Variants in CMTM3 observed in about 807,000 individuals in gnomAD.
The protein encoded by CMTM3 is CKLF-like MARVEL transmembrane domain-containing protein 3.
Under a neutral mutation model 18.2 loss-of-function variants are expected in CMTM3, and 7 were observed. That is an observed-to-expected ratio of 0.38 (90% CI 0.22 to 0.72). The LOEUF (loss-of-function observed/expected upper bound fraction) is 0.72, where lower values mean the gene tolerates loss of function less well. Ranked by LOEUF, CMTM3 falls within the 30% of genes least tolerant of loss-of-function variation. CMTM3 has a pLI of 0.46. For synonymous variants in CMTM3, 109 were observed against 111.2 expected (o/e 0.98, Z 0.12); for missense variants, 227 against 249.2 (o/e 0.91, Z 0.60).
In CMTM3 at chr16:66,613,229, C is replaced by T. The variant is rs2015451071; in HGVS notation, c.*592C>T. On this transcript the variant is annotated 3_prime_UTR_variant, in exon 5 of 5. Transcript: ENST00000567572. The stretch of plus-strand genomic sequence containing the variant: ...CGCCCAGGAAGTGGGGCTCGGCACC[C>T]ATAACTAACACCTCCCACCCTTGGA... The T allele has an allele frequency of 8.8e-6, 6 of 679,382 alleles. No homozygotes were observed. In the South Asian group the frequency reaches 9.4e-5, roughly 11 times the overall value. 42.1% of individuals were successfully genotyped at this position (679,382 alleles called of 1,614,324 possible).
chr16:66,607,349 C>A (rs2015196116), intron 1 of CMTM3, among the ~76,000 whole-genome samples: 1 of 152,252 alleles, frequency 6.6e-6, no homozygotes, highest in Non-Finnish European at 1.5e-5. Flanking sequence ...CCTTTCACAG[C>A]TGGCCCTGTA....
Position 66,612,973 on chromosome 16 carries a change from G to GT in CMTM3, c.*338dup. 1 of 690,428 alleles carries GT rather than the reference G, an allele frequency of 1.4e-6. No homozygotes were observed. Among genetic ancestry groups the GT allele is most frequent in the Non-Finnish European group, 2.6e-6 (1 of 377,770 alleles). The allele number at this position is 690,428 out of a possible 1,614,324, so 42.8% of individuals were successfully genotyped here. A position where few individuals can be genotyped will look rare whatever the true frequency, so the allele number is the denominator to read the frequency against. ...CCTTGTCTGTATCTGGGCAGCAGGTGTTCCATGCTGCTAGGTGGCGGGGGT... is the reference window on the plus strand; with the variant it reads ...CCTTGTCTGTATCTGGGCAGCAGGTGTTTCCATGCTGCTAGGTGGCGGGGGT... On this transcript the variant is annotated 3_prime_UTR_variant, in exon 5 of 5. Coordinates refer to ENST00000567572, the MANE Select transcript of CMTM3 (RefSeq NM_181553.4). This position sits in a 1 kb window ranked among gnomAD's most constrained non-coding sequence, Gnocchi z 6.0.
At position 66,604,729 on chromosome 16, in the gene CMTM3, A is replaced by C; in HGVS notation, c.-77A>C. ...AGTGTCGCCTGCCCTCCTTCCGCAC[A>C]GCCCGGGTTTCCGCTTCCCTCCGGG... On this transcript the variant is annotated 5_prime_UTR_variant, in exon 1 of 5. Coordinates refer to ENST00000567572, the MANE Select transcript of CMTM3 (RefSeq NM_181553.4). The C allele has an allele frequency of 8.9e-7, 1 of 1,122,258 alleles. No homozygotes were observed. Among genetic ancestry groups the C allele is most frequent in the Admixed American group, 4.4e-5 (1 of 22,476 alleles). 69.5% of individuals were successfully genotyped at this position (1,122,258 alleles called of 1,614,324 possible).
At position 66,613,230 on chromosome 16, in the gene CMTM3, A is replaced by G; in HGVS notation, c.*593A>G. ...GCCCAGGAAGTGGGGCTCGGCACCCATAACTAACACCTCCCACCCTTGGAA... is the reference window on the plus strand; with the variant it reads ...GCCCAGGAAGTGGGGCTCGGCACCCGTAACTAACACCTCCCACCCTTGGAA... On this transcript the variant is annotated 3_prime_UTR_variant, in exon 5 of 5. Coordinates refer to ENST00000567572, the MANE Select transcript of CMTM3 (RefSeq NM_181553.4). The G allele has an allele frequency of 1.5e-6, 1 of 679,946 alleles. No homozygotes were observed. Among genetic ancestry groups the G allele is most frequent in the South Asian group, 1.6e-5 (1 of 64,202 alleles). 42.1% of individuals were successfully genotyped at this position (679,946 alleles called of 1,614,324 possible). A position where few individuals can be genotyped will look rare whatever the true frequency, so the allele number is the denominator to read the frequency against.
At position 66,609,507 on chromosome 16, in the gene CMTM3, G is replaced by A; in HGVS notation, c.376G>A (p.Asp126Asn). 6.2e-7 allele frequency: 1 copy of A among 1,607,060 alleles called. No individual in the cohort carries two copies. The highest frequency in any genetic ancestry group is 8.5e-7 in the Non-Finnish European group (1 of 1,176,668). ...ISITAIAKYS[D>N]GASKAAGVFG... ...CATCACGGCCATCGCCAAGTACTCG[G>A]ATGGGGCTTCCAAAGCCGCTGGGGT... The change falls in exon 3 of 5, where the codon GAT becomes AAT. Residue 126 changes from aspartate (D) to asparagine (N), a missense_variant. Asp to Asn is a conservative substitution (Grantham distance 23, BLOSUM62 1). Coordinates refer to ENST00000567572, the MANE Select transcript of CMTM3 (RefSeq NM_181553.4). This position sits in a 1 kb window ranked among gnomAD's most constrained non-coding sequence, Gnocchi z 4.4.
In CMTM3 at chr16:66,609,274, C is replaced by T. The variant is rs1567394514; in HGVS notation, c.304-161C>T. On this transcript the variant is annotated intron_variant, in intron 2 of 4. Coordinates refer to ENST00000567572, the MANE Select transcript of CMTM3 (RefSeq NM_181553.4). The surrounding 1 kb of genome is among the most constrained non-coding windows in gnomAD (Gnocchi z 4.4). ...TGCTGGCAAGGCAGCAGAGGCACCT[C>T]GGGGGTGGGACAAGGGCCTAGGCAT... 8 of 625,506 alleles carry T rather than the reference C, an allele frequency of 1.3e-5. No homozygotes were observed. The highest frequency in any genetic ancestry group is 2.9e-5 in the Admixed American group (1 of 35,006). The allele number at this position is 625,506 out of a possible 1,614,324, so 38.7% of individuals were successfully genotyped here. A position where few individuals can be genotyped will look rare whatever the true frequency, so the allele number is the denominator to read the frequency against.
chr16:66,604,032 GT>G (rs1567390365), upstream of CMTM3: 4 of 146,236 alleles, frequency 2.7e-5, no homozygotes, highest in Non-Finnish European at 6.0e-5. Context: ...TGCGTGTGGA[GT>G]GTGTGTGTGT....
In CMTM3 at chr16:66,610,184, C is replaced by T; in HGVS notation, c.520+181C>T. ...CTGATCCAAAGCCAGTCCCATTCGC[C>T]TCGTGCACCCTCACCCCAGCCTTTC... On this transcript the variant is annotated intron_variant, in intron 4 of 4. Coordinates refer to ENST00000567572, the MANE Select transcript of CMTM3 (RefSeq NM_181553.4). The surrounding 1 kb of genome is among the most constrained non-coding windows in gnomAD (Gnocchi z 4.6). 1 of 719,988 alleles carries T rather than the reference C, an allele frequency of 1.4e-6. No homozygotes were observed. The highest frequency in any genetic ancestry group is 2.7e-5 in the East Asian group (1 of 36,906). The allele number at this position is 719,988 out of a possible 1,614,324, so 44.6% of individuals were successfully genotyped here. A position where few individuals can be genotyped will look rare whatever the true frequency, so the allele number is the denominator to read the frequency against.
upstream of CMTM3, chr16:66,604,056 G>C (rs1387360677): frequency 6.5e-6 from 1 of 153,056 alleles, no homozygotes; most frequent in Non-Finnish European, 1.5e-5. Context: ...GTGTGTGAGA[G>C]AGAGAGATGT....
At position 66,612,495 on chromosome 16, in the gene CMTM3, A is replaced by G; in HGVS notation, c.521-114A>G. ...CACTGGGAACGGTAGAGTCAGCTGC[A>G]GGAGGCCTGCACCCAGGCTCCTGCC... On this transcript the variant is annotated intron_variant, in intron 4 of 4. Transcript: ENST00000567572. The surrounding 1 kb of genome is among the most constrained non-coding windows in gnomAD (Gnocchi z 6.0). The G allele has an allele frequency of 3.8e-6, 4 of 1,047,200 alleles. No homozygotes were observed. Among genetic ancestry groups the G allele is most frequent in the Non-Finnish European group, 5.7e-6 (4 of 697,306 alleles). 64.9% of individuals were successfully genotyped at this position (1,047,200 alleles called of 1,614,324 possible).
At chr16:66,606,663 T>G (rs1284564551) in intron 1 of CMTM3, among the ~76,000 whole-genome samples, 2 of 152,138 alleles carry the variant, frequency 1.3e-5, no homozygotes, top group African/African-American at 4.8e-5. Context: ...CAGGGACAGA[T>G]GGCCTCCCCA....
At chr16:66,607,700 A>C (rs1354160815) in intron 1 of CMTM3, among the ~76,000 whole-genome samples, 1 of 152,020 alleles carries the variant, frequency 6.6e-6, no homozygotes, top group South Asian at 2.1e-4. Flanking sequence ...CAGGGCACTG[A>C]GTGGAGTGCA....
Position 66,610,026 on chromosome 16 carries a change from C to T in CMTM3, c.520+23C>T, listed in dbSNP as rs373587962. The T allele has an allele frequency of 1.9e-5, 31 of 1,612,498 alleles. No homozygotes were observed. The highest frequency in any genetic ancestry group is 3.3e-4 in the Middle Eastern group (2 of 6,054). ...AAGGTAAGCGGCTGCCCTGATCACC[C>T]CAGCAGTGCTGCAACAGGGGCCTGC... On this transcript the variant is annotated intron_variant, in intron 4 of 4. Transcript: ENST00000567572. The surrounding 1 kb of genome is among the most constrained non-coding windows in gnomAD (Gnocchi z 4.6).
At position 66,609,536 on chromosome 16, in the gene CMTM3, C is replaced by T. The variant is rs763529011; in HGVS notation, c.399+6C>T. The stretch of plus-strand genomic sequence containing the variant: ...GGGCTTCCAAAGCCGCTGGGGTGAG[C>T]AGCCGCCCCACCCCTCTGGAAACTG... On this transcript the variant is annotated splice_donor_region_variant and intron_variant, in intron 3 of 4. Transcript: ENST00000567572. This position sits in a 1 kb window ranked among gnomAD's most constrained non-coding sequence, Gnocchi z 4.4. 1 of 1,587,350 alleles carries T rather than the reference C, an allele frequency of 6.3e-7. No homozygotes were observed. The highest frequency in any genetic ancestry group is 1.1e-5 in the South Asian group (1 of 87,964).
At position 66,608,859 on chromosome 16, in the gene CMTM3, G is replaced by A. The variant is rs777928679; in HGVS notation, c.303+395G>A. On this transcript the variant is annotated intron_variant, in intron 2 of 4. Transcript: ENST00000567572. The surrounding 1 kb of genome is among the most constrained non-coding windows in gnomAD (Gnocchi z 5.1). ...TTCAGCCATCGGCAACCCTGACCTC[G>A]TTTTATCACCTGTGAGGGCCCAGAC... is the stretch of plus-strand genomic sequence containing the variant. 1.4e-4 allele frequency among the ~76,000 whole-genome samples: 21 copies of A among 152,210 alleles called. No individual in the cohort carries two copies. The highest frequency in any genetic ancestry group is 2.6e-4 in the Non-Finnish European group (18 of 68,038).
chr16:66,611,818 T>A (rs1358886577), intron 4 of CMTM3, among the ~76,000 whole-genome samples: 5 of 152,122 alleles, frequency 3.3e-5, no homozygotes, highest in African/African-American at 1.2e-4. Context: ...AAATTGTTTC[T>A]GATTACAATA....
upstream of CMTM3, chr16:66,604,417 C>T (rs941614746): frequency 2.4e-5 from 4 of 165,802 alleles, no homozygotes; most frequent in African/African-American, 9.5e-5. Flanking sequence ...CCCAGACACG[C>T]GCACGGGCAG....
In CMTM3 at chr16:66,611,314, A is replaced by T. The variant is rs553670808; in HGVS notation, c.521-1295A>T. On this transcript the variant is annotated intron_variant, in intron 4 of 4. Transcript: ENST00000567572. ...CTAAAAATACAAAAATCAGCCAGGC[A>T]TGGTGGTGCCCGCCTGTAATCCCAG... 3.3e-5 allele frequency among the ~76,000 whole-genome samples: 5 copies of T among 152,236 alleles called. No individual in the cohort carries two copies. The South Asian group carries it at 1.0e-3, about 32-fold the overall frequency.
At chr16:66,606,652 C>T (rs1009914490) in intron 1 of CMTM3, among the ~76,000 whole-genome samples, 1 of 152,168 alleles carries the variant, frequency 6.6e-6, no homozygotes, top group Non-Finnish European at 1.5e-5. Flanking sequence ...GTGACAGAAA[C>T]CAGGGACAGA....
Sources: gnomAD v4.1 joint callset for allele counts (sites outside exome capture counted in the v4.1 genomes callset) on GRCh38, gnomAD v4.1.1 for gene constraint, Gnocchi (gnomAD v3.1) non-coding constraint, MANE v1.5 for transcripts, NCBI Gene and HGNC (gene_info 2026-07-23, HGNC 2026-07-21) for gene names.